BBS7: variants seen among roughly 807,000 people sequenced by gnomAD.
BBS7 encodes the protein BBSome complex member BBS7.
BBS7 carries 50 observed loss-of-function variants against 90.3 expected under a neutral mutation model. That is an observed-to-expected ratio of 0.55 (90% CI 0.44 to 0.70). The LOEUF (loss-of-function observed/expected upper bound fraction) is 0.70, where lower values mean the gene tolerates loss of function less well. BBS7 is among the 30% of genes least tolerant of loss of function. The pLI is 0.00. For missense variants in BBS7, 729 were observed against 838.9 expected (o/e 0.87, Z 1.62); for synonymous variants, 235 against 287.4 (o/e 0.82, Z 1.85).
rs1002629673 is a variant in BBS7, at chr4:121,828,489, T to C, written c.1803A>G (p.Ser601=). Residue 601 remains serine, a synonymous_variant, in exon 17 of 19, where the codon TCA becomes TCG. Coordinates refer to ENST00000264499, the MANE Select transcript of BBS7 (RefSeq NM_176824.3). Reference sequence around the variant, plus strand: ...GGATTAGCTTTAAAGTGTGTTTGACTGATACTTCATTTATCTCTAGAAGGA... The same window carrying C: ...GGATTAGCTTTAAAGTGTGTTTGACCGATACTTCATTTATCTCTAGAAGGA... ...LNISYEINEV[S]VKHTLKLIHP... is the part of the protein sequence containing the mutation. The C allele has an allele frequency of 6.2e-7, 1 of 1,613,604 alleles. No homozygotes were observed. The highest frequency in any genetic ancestry group is 8.5e-7 in the Non-Finnish European group (1 of 1,179,714).
intron 2 of BBS7, among the ~76,000 whole-genome samples, chr4:121,864,404 T>C (rs1411641979): frequency 1.3e-5 from 2 of 152,190 alleles, no homozygotes; most frequent in Admixed American, 1.3e-4. Flanking sequence ...TAAACAAATA[T>C]GAAAATCTAT....
intron 5 of BBS7, among the ~76,000 whole-genome samples, chr4:121,857,586 G>A (rs1370325211): frequency 1.3e-5 from 2 of 152,006 alleles, no homozygotes; most frequent in Non-Finnish European, 2.9e-5. Context: ...CGGTGCAGAG[G>A]GAAAGACTTC....
At position 121,867,659 on chromosome 4, in the gene BBS7, A is replaced by C. The variant is rs72919906; in HGVS notation, c.102+322T>G. Among the ~76,000 whole-genome samples, 720 of 152,318 alleles carry C rather than the reference A, an allele frequency of 4.7e-3. 4 individuals carry two copies. The highest frequency in any genetic ancestry group is 0.017 in the African/African-American group (694 of 41,584). On this transcript the variant is annotated intron_variant, in intron 2 of 18. Coordinates refer to ENST00000264499, the MANE Select transcript of BBS7 (RefSeq NM_176824.3). ...ATTTAATGACTTTAAAATATGAGAAAGTTTAAAGAGAACATTTTCTTGATA... is the reference window on the plus strand; with the variant it reads ...ATTTAATGACTTTAAAATATGAGAACGTTTAAAGAGAACATTTTCTTGATA...
At chr4:121,827,551 A>G (rs2149047319) in intron 18 of BBS7, among the ~76,000 whole-genome samples, 1 of 152,342 alleles carries the variant, frequency 6.6e-6, no homozygotes, top group African/African-American at 2.4e-5. Context: ...ATAGTGTGCT[A>G]TATACAACAG....
intron 5 of BBS7, among the ~76,000 whole-genome samples, chr4:121,855,784 AT>A (rs1238061342): frequency 7.2e-6 from 1 of 139,580 alleles, no homozygotes; most frequent in Admixed American, 6.8e-5. Context: ...AAATGTATAC[AT>A]ATATACGTAT....
chr4:121,857,619 T>C (rs1726752118), intron 5 of BBS7, among the ~76,000 whole-genome samples: 1 of 152,110 alleles, frequency 6.6e-6, no homozygotes, highest in Non-Finnish European at 1.5e-5. Context: ...TACAGATCTT[T>C]AGTAATTATT....
intron 4 of BBS7, among the ~76,000 whole-genome samples, chr4:121,860,392 T>C (rs1370174248): frequency 6.6e-6 from 1 of 152,130 alleles, no homozygotes; most frequent in East Asian, 1.9e-4. Flanking sequence ...GTTATAACTT[T>C]TGTTTTCCTA....
At chr4:121,870,172 T>TC in intron 1 of BBS7, 106 bp downstream of exon 1, 1 of 1,478,904 alleles carries the variant, frequency 6.8e-7, no homozygotes, top group South Asian at 1.1e-5. Context: ...CTCCTTCGCC[T>TC]CCGCACCAGC....
At position 121,848,926 on chromosome 4, in the gene BBS7, C is replaced by T. The variant is rs771877302; in HGVS notation, c.852G>A (p.Met284Ile). 5.0e-6 allele frequency: 8 copies of T among 1,613,598 alleles called. No individual in the cohort carries two copies. Among genetic ancestry groups the T allele is most frequent in the Non-Finnish European group, 6.8e-6 (8 of 1,179,846 alleles). The change falls in exon 9 of 19, where the codon ATG becomes ATA. Residue 284 changes from methionine to isoleucine, a missense_variant and splice_region_variant. Coordinates refer to ENST00000264499, the MANE Select transcript of BBS7 (RefSeq NM_176824.3). ...ANEPVLRFDQMLSESVTSIQG... is the reference protein window; with the variant it reads ...ANEPVLRFDQILSESVTSIQG... ...GGATAGATGTGACGCTTTCAGACAA[C>T]ATCTAAAAAAGTTTAAGACCAAGCA...
At chr4:121,835,718 T>C (rs1725419136) in intron 13 of BBS7, among the ~76,000 whole-genome samples, 1 of 152,186 alleles carries the variant, frequency 6.6e-6, no homozygotes, top group Admixed American at 6.5e-5. Context: ...TGGTGTTGAT[T>C]TTTAAACAGT....
chr4:121,826,059 A>G, intron 18 of BBS7, 66 bp from the exon 19 acceptor site: 2 of 1,311,946 alleles, frequency 1.5e-6, no homozygotes, highest in Non-Finnish European at 2.2e-6. Context: ...GTATTTCACT[A>G]AAGTAATTGC....
Position 121,825,758 on chromosome 4 carries a change from A to G in BBS7, c.*102T>C. On this transcript the variant is annotated 3_prime_UTR_variant, in exon 19 of 19. Transcript: ENST00000264499. ...ATCTCAAATATTTTTAGATATAAAA[A>G]AGCATTTGAAATTAAAGTACATACA... The G allele has an allele frequency of 6.8e-6, 8 of 1,178,780 alleles. No homozygotes were observed. Among genetic ancestry groups the G allele is most frequent in the Non-Finnish European group, 9.5e-6 (8 of 845,676 alleles). 73.0% of individuals were successfully genotyped at this position (1,178,780 alleles called of 1,614,324 possible). A position where few individuals can be genotyped will look rare whatever the true frequency, so the allele number is the denominator to read the frequency against.
chr4:121,846,820 G>A (rs1055547733), intron 10 of BBS7, among the ~76,000 whole-genome samples: 1 of 152,192 alleles, frequency 6.6e-6, no homozygotes, highest in African/African-American at 2.4e-5. Flanking sequence ...GTCAGCATGG[G>A]TTGAAATGGG....
In BBS7 at chr4:121,863,659, G is replaced by A. The variant is rs112811256; in HGVS notation, c.103-380C>T. Among the ~76,000 whole-genome samples, 47 of 152,064 alleles carry A rather than the reference G, an allele frequency of 3.1e-4. 1 individual carries two copies. Among genetic ancestry groups the A allele is most frequent in the South Asian group, 6.2e-4 (3 of 4,814 alleles). ...CAAAGTAATTTTTTTTTCATAACTG[G>A]AGCATAAGAACATTTTAAGATTAAC... On this transcript the variant is annotated intron_variant, in intron 2 of 18. Transcript: ENST00000264499.
At chr4:121,864,781 GACA>G (rs757461456) in intron 2 of BBS7, among the ~76,000 whole-genome samples, 1 of 152,008 alleles carries the variant, frequency 6.6e-6, no homozygotes, top group South Asian at 2.1e-4. Context: ...TTTTTTAATT[GACA>G]ACAATTGTAC....
intron 2 of BBS7, 149 bp downstream of exon 2, chr4:121,867,832 G>T: frequency 1.4e-6 from 1 of 715,760 alleles, no homozygotes; most frequent in Non-Finnish European, 2.4e-6. Flanking sequence ...AATGTCCCTT[G>T]GTATTCCAGT....
intron 18 of BBS7, among the ~76,000 whole-genome samples, chr4:121,827,528 G>A (rs1226186160): frequency 1.3e-5 from 2 of 152,218 alleles, no homozygotes; most frequent in Non-Finnish European, 2.9e-5. Flanking sequence ...ACCTGATTAT[G>A]AAGACAGTGT....
At chr4:121,839,337 C>T (rs1230898383) in intron 13 of BBS7, among the ~76,000 whole-genome samples, 1 of 152,082 alleles carries the variant, frequency 6.6e-6, no homozygotes, top group Non-Finnish European at 1.5e-5. Flanking sequence ...GAGGCTGAGG[C>T]ATGTGGATTG....
At chr4:121,832,006 A>G in intron 15 of BBS7, among the ~76,000 whole-genome samples, 1 of 119,962 alleles carries the variant, frequency 8.3e-6, no homozygotes, top group East Asian at 2.2e-4. Context: ...CAAAAAAAAC[A>G]AAAACACACA....
Sources: allele counts gnomAD v4.1 joint callset (sites outside exome capture counted in the v4.1 genomes callset), GRCh38; gene constraint gnomAD v4.1.1; transcripts MANE v1.5; gene names NCBI Gene and HGNC (gene_info 2026-07-23, HGNC 2026-07-21).